The following CCSER1 variants were observed in gnomAD, a reference collection of about 807,000 sequenced individuals.
CCSER1 encodes the protein coiled-coil serine rich protein 1.
Under a neutral mutation model 82.0 loss-of-function variants are expected in CCSER1, and 41 were observed. The observed-to-expected ratio is 0.50, with a 90% CI of 0.39 to 0.65. The LOEUF (loss-of-function observed/expected upper bound fraction) is 0.65, where lower values mean the gene tolerates loss of function less well. Ranked by LOEUF, CCSER1 falls within the 30% of genes least tolerant of loss-of-function variation. The probability of loss-of-function intolerance (pLI) is 0.00; values close to 1 mark genes in which losing one functional copy is unlikely to be tolerated. For missense variants in CCSER1, 1,119 were observed against 1,064.2 expected (o/e 1.05, Z -0.72); for synonymous variants, 414 against 383.9 (o/e 1.08, Z -0.92).
intron 1 of CCSER1, among the ~76,000 whole-genome samples, chr4:90,128,263 G>A (rs1310414895): frequency 6.6e-6 from 1 of 152,084 alleles, no homozygotes; most frequent in Non-Finnish European, 1.5e-5. Flanking sequence ...TGCGGGTGCT[G>A]AGGCGGGGAC....
intron 10 of CCSER1, among the ~76,000 whole-genome samples, chr4:91,595,966 A>AC (rs1764555307): frequency 1.4e-5 from 2 of 146,698 alleles, no homozygotes; most frequent in Admixed American, 1.4e-4. Flanking sequence ...AAAAAAAAAA[A>AC]ACCAAGGGCA....
intron 10 of CCSER1, among the ~76,000 whole-genome samples, chr4:91,465,522 TAG>T (rs1756838466): frequency 6.6e-6 from 1 of 151,872 alleles, no homozygotes; most frequent in South Asian, 2.1e-4. Context: ...CTGAAGGAGA[TAG>T]AGACACAAAA....
chr4:91,189,205 T>A (rs888832463), intron 10 of CCSER1, among the ~76,000 whole-genome samples: 3 of 152,104 alleles, frequency 2.0e-5, no homozygotes, highest in Non-Finnish European at 4.4e-5. Flanking sequence ...CAATATCAGG[T>A]CATTCATTAC....
chr4:91,166,731 T>G (rs181430435), intron 10 of CCSER1, among the ~76,000 whole-genome samples: 2 of 152,310 alleles, frequency 1.3e-5, no homozygotes, highest in East Asian at 3.9e-4. Context: ...TGTTGTTGTT[T>G]TTTTAACCAC....
intron 10 of CCSER1, among the ~76,000 whole-genome samples, chr4:91,578,850 G>A (rs72658061): frequency 0.024 from 3,592 of 151,944 alleles, 67 homozygotes; most frequent in Non-Finnish European, 0.033. Context: ...ATGCAAATGA[G>A]TTATGTTTAC....
At chr4:91,044,772 C>T (rs1316541515) in intron 9 of CCSER1, among the ~76,000 whole-genome samples, 1 of 152,192 alleles carries the variant, frequency 6.6e-6, no homozygotes, top group South Asian at 2.1e-4. Flanking sequence ...TCCACCTGTA[C>T]ATCTCATCAA....
intron 10 of CCSER1, among the ~76,000 whole-genome samples, chr4:91,163,096 G>C (rs1176501783): frequency 2.6e-5 from 4 of 152,188 alleles, no homozygotes; most frequent in Non-Finnish European, 5.9e-5. Context: ...TTTACACACA[G>C]TTTTAAATGT....
intron 6 of CCSER1, among the ~76,000 whole-genome samples, chr4:90,716,436 T>C (rs1741650416): frequency 6.6e-6 from 1 of 152,080 alleles, no homozygotes; most frequent in Non-Finnish European, 1.5e-5. Context: ...ATATAAATAT[T>C]GTTAACTTTC....
At chr4:90,302,583 T>G (rs1733365417) in intron 1 of CCSER1, among the ~76,000 whole-genome samples, 1 of 152,130 alleles carries the variant, frequency 6.6e-6, no homozygotes, top group South Asian at 2.1e-4. Flanking sequence ...GGAGGATTGC[T>G]TGAGGCCAGG....
At chr4:90,939,003 T>C (rs1225983540) in intron 9 of CCSER1, among the ~76,000 whole-genome samples, 4 of 152,172 alleles carry the variant, frequency 2.6e-5, no homozygotes, top group Non-Finnish European at 5.9e-5. Flanking sequence ...ATGTAAATAT[T>C]CTAAAATGTA....
chr4:91,387,392 C>A (rs1239713655), intron 10 of CCSER1, among the ~76,000 whole-genome samples: 1 of 151,482 alleles, frequency 6.6e-6, no homozygotes, highest in Non-Finnish European at 1.5e-5. Context: ...TCATTTAGTC[C>A]CTGAAATCTT....
intron 7 of CCSER1, among the ~76,000 whole-genome samples, 174 bp downstream of exon 7, chr4:90,724,165 G>C (rs1743220209): frequency 6.6e-6 from 1 of 151,838 alleles, no homozygotes; most frequent in Admixed American, 6.6e-5. Context: ...GCTAACTAAA[G>C]GTAAAGGTTT....
chr4:90,326,350 G>A (rs1171086711), intron 3 of CCSER1, among the ~76,000 whole-genome samples: 5 of 152,026 alleles, frequency 3.3e-5, no homozygotes, highest in South Asian at 2.1e-4. Flanking sequence ...GTGAGCCACC[G>A]TGCCCAGCCG....
At chr4:90,482,207 C>T (rs1000873449) in intron 5 of CCSER1, among the ~76,000 whole-genome samples, 8 of 152,078 alleles carry the variant, frequency 5.3e-5, no homozygotes, top group African/African-American at 1.2e-4. Context: ...TCTGTGGGAT[C>T]GGTGGTGATA....
chr4:90,957,501 TA>T lies in CCSER1; in HGVS notation c.2172+34055del, dbSNP rs1285166816. Among the ~76,000 whole-genome samples, 7 of 124,876 alleles carry T rather than the reference TA, an allele frequency of 5.6e-5. No individual in the cohort carries two copies. The South Asian group carries it at 9.5e-4, about 17-fold the overall frequency. 81.9% of individuals were successfully genotyped at this position (124,876 alleles called of 152,430 possible). A position where few individuals can be genotyped will look rare whatever the true frequency, so the allele number is the denominator to read the frequency against. On this transcript the variant is annotated intron_variant, in intron 9 of 10. Coordinates refer to ENST00000509176, the MANE Select transcript of CCSER1 (RefSeq NM_001145065.2). ...TTTATATTATAATATTATTATATAA[TA>T]TTATATAATATAACATAATATCATA...
intron 8 of CCSER1, among the ~76,000 whole-genome samples, chr4:90,879,627 GGAAA>G (rs1476725656): frequency 8.1e-6 from 1 of 123,040 alleles, no homozygotes; most frequent in Non-Finnish European, 1.7e-5. Context: ...AGGAGGAGGA[GGAAA>G]GAAGAAAGAA....
intron 6 of CCSER1, among the ~76,000 whole-genome samples, chr4:90,721,441 A>G (rs182178033): frequency 2.6e-5 from 4 of 151,980 alleles, no homozygotes; most frequent in Admixed American, 6.6e-5. Flanking sequence ...TAGCTCTTCT[A>G]TGTTCCCATA....
At chr4:90,729,022 A>T (rs912663216) in intron 7 of CCSER1, among the ~76,000 whole-genome samples, 38 of 152,302 alleles carry the variant, frequency 2.5e-4, no homozygotes, top group African/African-American at 9.1e-4. Context: ...GTCTGGGAGG[A>T]TCAAACCCCA....
intron 9 of CCSER1, among the ~76,000 whole-genome samples, chr4:91,005,871 A>G (rs1333701355): frequency 1.3e-5 from 2 of 152,192 alleles, no homozygotes; most frequent in African/African-American, 4.8e-5. Context: ...GTTGAAAATC[A>G]ATTGGCTGTA....
Sources: gnomAD v4.1 joint callset for allele counts (sites outside exome capture counted in the v4.1 genomes callset) on GRCh38, gnomAD v4.1.1 for gene constraint, MANE v1.5 for transcripts, NCBI Gene and HGNC (gene_info 2026-07-23, HGNC 2026-07-21) for gene names.